Variants in PEX5L observed in about 807,000 individuals in gnomAD.
The protein encoded by PEX5L is peroxisomal biogenesis factor 5 like, also known as PEX5-related protein.
A neutral mutation model predicts 84.0 loss-of-function variants in PEX5L; 30 were observed. The ratio of observed to expected loss-of-function variants is 0.36; its 90% CI spans 0.27 to 0.48. PEX5L has a LOEUF of 0.48. PEX5L is among the 20% of genes least tolerant of loss of function. The probability of loss-of-function intolerance (pLI) is 0.99; values close to 1 mark genes in which losing one functional copy is unlikely to be tolerated. For synonymous variants in PEX5L, 270 were observed against 283.1 expected, an observed-to-expected ratio of 0.95 and a Z score of 0.46; for missense variants, 533 against 754.6, an observed-to-expected ratio of 0.71 and a Z score of 3.44.
At chr3:179,921,362 T>A (rs1345639703) in intron 2 of PEX5L, among the ~76,000 whole-genome samples, 1 of 152,106 alleles carries the variant, frequency 6.6e-6, no homozygotes, top group Non-Finnish European at 1.5e-5. Context: ...ATCAAACAGG[T>A]GCTTAAGGAA....
chr3:179,998,664 G>T (rs1391897678), intron 1 of PEX5L, among the ~76,000 whole-genome samples: 2 of 152,174 alleles, frequency 1.3e-5, no homozygotes, highest in Non-Finnish European at 2.9e-5. Flanking sequence ...TCATGAACTG[G>T]GCGCTTTCTG....
chr3:179,888,477 G>A (rs1232633333), intron 3 of PEX5L, among the ~76,000 whole-genome samples: 1 of 151,980 alleles, frequency 6.6e-6, no homozygotes, highest in East Asian at 1.9e-4. Flanking sequence ...TCTAATTTCA[G>A]CAATCTTTCA....
chr3:179,942,017 C>CAAAAA lies in PEX5L; in HGVS notation c.93+29572_93+29576dup, dbSNP rs11447396. ...ACCTGGGTGACAGAGTGAGACTCCT[C>CAAAAA]AAAAAAAAAAAAAAAAAAAGAAGAA... On this transcript the variant is annotated intron_variant, in intron 2 of 14. Transcript: ENST00000467460. Among the ~76,000 whole-genome samples the CAAAAA allele has an allele frequency of 5.1e-3, 455 of 89,072 alleles. 4 individuals carry two copies. Among genetic ancestry groups the CAAAAA allele is most frequent in the Non-Finnish European group, 7.6e-3 (372 of 49,046 alleles). The allele number at this position is 89,072 out of a possible 152,430, so 58.4% of individuals were successfully genotyped here.
At chr3:179,966,410 T>C (rs774597858) in intron 2 of PEX5L, among the ~76,000 whole-genome samples, 2 of 152,154 alleles carry the variant, frequency 1.3e-5, no homozygotes, top group Non-Finnish European at 2.9e-5. Flanking sequence ...ACATTTAAAT[T>C]AAGTCACCAC....
intron 1 of PEX5L, among the ~76,000 whole-genome samples, chr3:180,033,674 A>G (rs1219487746): frequency 6.6e-6 from 1 of 152,194 alleles, no homozygotes; most frequent in African/African-American, 2.4e-5. Context: ...AACCGATGCT[A>G]AAGTATATTC....
chr3:179,865,673 T>C (rs1291485645), intron 7 of PEX5L, among the ~76,000 whole-genome samples: 2 of 152,176 alleles, frequency 1.3e-5, no homozygotes, highest in Non-Finnish European at 2.9e-5. Context: ...TGCAGTTGTT[T>C]TGACAGCACA....
intron 5 of PEX5L, among the ~76,000 whole-genome samples, chr3:179,877,213 G>A (rs182768010): frequency 2.6e-4 from 39 of 152,282 alleles, no homozygotes; most frequent in Non-Finnish European, 5.1e-4. Flanking sequence ...CCATGTTGTA[G>A]CATGTAAGTT....
intron 1 of PEX5L, among the ~76,000 whole-genome samples, chr3:179,989,674 T>A (rs563507105): frequency 1.1e-4 from 16 of 152,306 alleles, no homozygotes; most frequent in African/African-American, 3.8e-4. Flanking sequence ...CTTGGCCTTA[T>A]GCACTTAGAT....
At chr3:179,906,444 A>G (rs1369553708) in intron 2 of PEX5L, among the ~76,000 whole-genome samples, 2 of 152,184 alleles carry the variant, frequency 1.3e-5, no homozygotes, top group Non-Finnish European at 2.9e-5. Flanking sequence ...TTTCCTATCT[A>G]GGGTGGTCTA....
At chr3:179,992,926 C>T (rs1353822467) in intron 1 of PEX5L, among the ~76,000 whole-genome samples, 1 of 151,786 alleles carries the variant, frequency 6.6e-6, no homozygotes, top group Non-Finnish European at 1.5e-5. Context: ...ATGTATTTTT[C>T]CTTGCAGAAC....
intron 8 of PEX5L, among the ~76,000 whole-genome samples, chr3:179,839,917 A>C (rs1293157049): frequency 6.6e-6 from 1 of 152,142 alleles, no homozygotes. Context: ...CTCTCAAAGA[A>C]GGTAACTTCT....
At chr3:179,932,990 G>C (rs1360471652) in intron 2 of PEX5L, among the ~76,000 whole-genome samples, 4 of 152,056 alleles carry the variant, frequency 2.6e-5, no homozygotes, top group African/African-American at 9.7e-5. Context: ...TGTATCCTCT[G>C]ACCAACATAT....
At chr3:179,845,665 G>C (rs1168770970) in intron 8 of PEX5L, among the ~76,000 whole-genome samples, 2 of 152,188 alleles carry the variant, frequency 1.3e-5, no homozygotes, top group Non-Finnish European at 2.9e-5. Flanking sequence ...CCAAGGAAAA[G>C]TGCAAATGTG....
intron 2 of PEX5L, among the ~76,000 whole-genome samples, chr3:179,939,032 TG>T (rs1775364008): frequency 6.6e-6 from 1 of 152,210 alleles, no homozygotes; most frequent in Non-Finnish European, 1.5e-5. Flanking sequence ...GCTCAGGGGC[TG>T]GGAAAAGACT....
At chr3:179,867,034 A>G (rs936198347) in intron 7 of PEX5L, among the ~76,000 whole-genome samples, 8 of 149,562 alleles carry the variant, frequency 5.3e-5, no homozygotes, top group African/African-American at 2.0e-4. Context: ...TCAAAAAAAA[A>G]AAAAAAAGAA....
At chr3:179,860,259 G>T (rs1424847970) in intron 7 of PEX5L, among the ~76,000 whole-genome samples, 1 of 152,238 alleles carries the variant, frequency 6.6e-6, no homozygotes, top group Non-Finnish European at 1.5e-5. Flanking sequence ...CCTAAGGGCT[G>T]CAGGATGAGG....
chr3:179,880,849 A>C (rs1753922551), intron 4 of PEX5L: 6 of 152,260 alleles, frequency 3.9e-5, no homozygotes. Context: ...GAATTAAAAA[A>C]GCAAGTTTTA....
chr3:179,815,524 G>A (rs1230063360), intron 10 of PEX5L, among the ~76,000 whole-genome samples: 1 of 152,210 alleles, frequency 6.6e-6, no homozygotes, highest in African/African-American at 2.4e-5. Flanking sequence ...GGCGGAGGTT[G>A]CAGTGAGCAG....
chr3:180,025,571 G>T (rs1377689667), intron 1 of PEX5L, among the ~76,000 whole-genome samples: 1 of 152,200 alleles, frequency 6.6e-6, no homozygotes, highest in East Asian at 1.9e-4. Flanking sequence ...TGGGAGAGGG[G>T]TGGTGGTGCA....
Sources: gnomAD v4.1 joint callset for allele counts (sites outside exome capture counted in the v4.1 genomes callset) on GRCh38, gnomAD v4.1.1 for gene constraint, MANE v1.5 for transcripts, NCBI Gene and HGNC (gene_info 2026-07-23, HGNC 2026-07-21) for gene names.